Variants in DNAJB11 observed in about 807,000 individuals in gnomAD.
The protein encoded by DNAJB11 is dnaJ homolog subfamily B member 11.
DNAJB11 carries 30 observed loss-of-function variants against 47.2 expected under a neutral mutation model. The ratio of observed to expected loss-of-function variants is 0.64; its 90% CI spans 0.48 to 0.86. The LOEUF (loss-of-function observed/expected upper bound fraction) is 0.86, where lower values mean the gene tolerates loss of function less well. Ranked by LOEUF, DNAJB11 falls within the 40% of genes least tolerant of loss-of-function variation. The pLI is 0.00. For missense variants in DNAJB11, 357 were observed against 440.2 expected (o/e 0.81, Z 1.69); for synonymous variants, 151 against 159.9 (o/e 0.94, Z 0.42).
At position 186,581,519 on chromosome 3, in the gene DNAJB11, T is replaced by C; in HGVS notation, c.599+6T>C. On this transcript the variant is annotated splice_donor_region_variant and intron_variant, in intron 5 of 9. Coordinates refer to ENST00000265028, the MANE Select transcript of DNAJB11 (RefSeq NM_016306.6). ...GACGAATGCCCTAATGTCAAGTAAG[T>C]GAAAGCACCTTCTTTGTTCTACCAA... 1.2e-6 allele frequency: 2 copies of C among 1,610,890 alleles called. No homozygotes were observed. Among genetic ancestry groups the C allele is most frequent in the Non-Finnish European group, 1.7e-6 (2 of 1,178,764 alleles).
At chr3:186,574,772 CTTTCT>C (rs1715207541) in intron 2 of DNAJB11, among the ~76,000 whole-genome samples, 1 of 152,146 alleles carries the variant, frequency 6.6e-6, no homozygotes, top group African/African-American at 2.4e-5. Flanking sequence ...GTGAATATGC[CTTTCT>C]TTTAAGTCAA....
intron 3 of DNAJB11, among the ~76,000 whole-genome samples, chr3:186,576,921 A>G (rs1049916340): frequency 6.6e-6 from 1 of 152,196 alleles, no homozygotes; most frequent in East Asian, 1.9e-4. Context: ...AGGGAGTTAT[A>G]TAGTTATCAT....
At chr3:186,576,952 A>G (rs1190824105) in intron 3 of DNAJB11, among the ~76,000 whole-genome samples, 1 of 152,210 alleles carries the variant, frequency 6.6e-6, no homozygotes, top group African/African-American at 2.4e-5. Flanking sequence ...CTAATATACA[A>G]GGCTTCTTAA....
rs1715657727 is a variant in DNAJB11, at chr3:186,585,552, A to G, written c.*144A>G. On this transcript the variant is annotated 3_prime_UTR_variant, in exon 10 of 10. Transcript: ENST00000265028. ...TTATCTAATGATCATCATGAAATGA[A>G]TAAGAGGGCTTAAGAATTTGTCCAT... The G allele has an allele frequency of 2.0e-6, 1 of 511,850 alleles. No homozygotes were observed. Among genetic ancestry groups the G allele is most frequent in the Non-Finnish European group, 3.4e-6 (1 of 292,324 alleles). 31.7% of individuals were successfully genotyped at this position (511,850 alleles called of 1,614,324 possible). A position where few individuals can be genotyped will look rare whatever the true frequency, so the allele number is the denominator to read the frequency against.
At chr3:186,582,182 T>A in intron 6 of DNAJB11, 105 bp downstream of exon 6, 1 of 835,492 alleles carries the variant, frequency 1.2e-6, no homozygotes, top group Non-Finnish European at 1.9e-6. Context: ...GTTCACATAG[T>A]AAACGCATAT....
At chr3:186,582,634 T>TA in intron 6 of DNAJB11, 82 bp from the exon 7 acceptor site, 1 of 1,180,798 alleles carries the variant, frequency 8.5e-7, no homozygotes, top group Non-Finnish European at 1.2e-6. Flanking sequence ...AGTAGTGGAT[T>TA]AAAAAAATGT....
intron 9 of DNAJB11, 123 bp downstream of exon 9, chr3:186,584,712 T>C (rs1410782847): frequency 9.8e-7 from 1 of 1,017,552 alleles, no homozygotes; most frequent in African/African-American, 1.7e-5. Context: ...TCATTAATGC[T>C]AGTAGAACAC....
chr3:186,572,852 A>G (rs967775182), intron 2 of DNAJB11, among the ~76,000 whole-genome samples: 8 of 152,246 alleles, frequency 5.3e-5, no homozygotes, highest in Admixed American at 1.3e-4. Context: ...TTTGTCATAC[A>G]AATGCAAACA....
Position 186,585,450 on chromosome 3 carries a change from C to T in DNAJB11, c.*42C>T, listed in dbSNP as rs765290850. ...ACTTTGTTTAAAATAAGTGAATAAG[C>T]GATATTTATTATCTGCAAGGTTTTT... On this transcript the variant is annotated 3_prime_UTR_variant, in exon 10 of 10. Transcript: ENST00000265028. 1.0e-5 allele frequency: 15 copies of T among 1,454,436 alleles called. No homozygotes were observed. Among genetic ancestry groups the T allele is most frequent in the Middle Eastern group, 3.5e-4 (2 of 5,714 alleles). The allele number at this position is 1,454,436 out of a possible 1,614,324, so 90.1% of individuals were successfully genotyped here.
Position 186,581,252 on chromosome 3 carries a change from T to C in DNAJB11, c.457-119T>C, listed in dbSNP as rs980132645. ...TTGTCAGCTTTAGATCTCTGAGGGA[T>C]AGATTGCCAGAGAAGGGGAAGTTTC... On this transcript the variant is annotated intron_variant, in intron 4 of 9. Coordinates refer to ENST00000265028, the MANE Select transcript of DNAJB11 (RefSeq NM_016306.6). The C allele has an allele frequency of 5.2e-6, 6 of 1,152,674 alleles. No individual in the cohort carries two copies. The South Asian group carries it at 7.7e-5, about 15-fold the overall frequency. The allele number at this position is 1,152,674 out of a possible 1,614,324, so 71.4% of individuals were successfully genotyped here.
intron 3 of DNAJB11, among the ~76,000 whole-genome samples, chr3:186,576,823 A>G (rs1230336498): frequency 6.6e-6 from 1 of 152,174 alleles, no homozygotes; most frequent in Non-Finnish European, 1.5e-5. Flanking sequence ...CAGAAAGAGA[A>G]ACAGCTTCCC....
At chr3:186,584,623 T>TG (rs1553850813) in intron 9 of DNAJB11, 34 bp downstream of exon 9, 1 of 351,284 alleles carries the variant, frequency 2.8e-6, no homozygotes, top group Non-Finnish European at 3.8e-6. Context: ...GTGTGTGTGT[T>TG]TGTGTGTGTG....
intron 7 of DNAJB11, 54 bp from the exon 8 acceptor site, chr3:186,583,811 A>G (rs376069246): frequency 9.1e-5 from 122 of 1,340,188 alleles, no homozygotes; most frequent in South Asian, 8.6e-4. Context: ...TTTTCTAACA[A>G]CTGTTTGAAC....
At chr3:186,577,842 C>T in intron 4 of DNAJB11, 42 bp downstream of exon 4, 2 of 1,517,254 alleles carry the variant, frequency 1.3e-6, no homozygotes, top group Non-Finnish European at 1.8e-6. Context: ...ACTCCCAGAA[C>T]TTGCACTTTT....
At chr3:186,581,610 C>T (rs2108484025) in intron 5 of DNAJB11, 97 bp downstream of exon 5, 1 of 1,360,952 alleles carries the variant, frequency 7.3e-7, no homozygotes, top group Non-Finnish European at 1.0e-6. Flanking sequence ...TTTCTCTGTC[C>T]CCTCCCCACT....
intron 3 of DNAJB11, among the ~76,000 whole-genome samples, chr3:186,577,260 C>T (rs531567883): frequency 6.6e-6 from 1 of 152,218 alleles, no homozygotes; most frequent in East Asian, 1.9e-4. Context: ...TTAAATTAAC[C>T]ATTACATTTA....
chr3:186,582,635 A>T lies in DNAJB11; in HGVS notation c.683-81A>T, dbSNP rs1715524331. 3.4e-6 allele frequency: 4 copies of T among 1,188,092 alleles called. No individual in the cohort carries two copies. In the Admixed American group the frequency reaches 8.0e-5, roughly 24 times the overall value. The allele number at this position is 1,188,092 out of a possible 1,614,324, so 73.6% of individuals were successfully genotyped here. ...AGGTCAATGCCCAAAGTAGTGGATT[A>T]AAAAAATGTATCAGTTGCCAAATAG... is the stretch of plus-strand genomic sequence containing the variant. On this transcript the variant is annotated intron_variant, in intron 6 of 9. Transcript: ENST00000265028.
At chr3:186,571,988 C>A in intron 1 of DNAJB11, 107 bp from the exon 2 acceptor site, 1 of 937,914 alleles carries the variant, frequency 1.1e-6, no homozygotes, top group Non-Finnish European at 1.5e-6. Context: ...ATTTTTATAC[C>A]TCTTTGCTCA....
chr3:186,571,454 C>A (rs1216765648), intron 1 of DNAJB11, among the ~76,000 whole-genome samples: 1 of 152,140 alleles, frequency 6.6e-6, no homozygotes, highest in Admixed American at 6.5e-5. Context: ...CTTCGAAGAG[C>A]CATTCTGGGG....
Sources: gnomAD v4.1 joint callset for allele counts (sites outside exome capture counted in the v4.1 genomes callset) on GRCh38, gnomAD v4.1.1 for gene constraint, MANE v1.5 for transcripts, NCBI Gene and HGNC (gene_info 2026-07-23, HGNC 2026-07-21) for gene names.